ATF2: variants seen among roughly 807,000 people sequenced by gnomAD.
ATF2 encodes cyclic AMP-dependent transcription factor ATF-2.
In ATF2, 24 loss-of-function variants were observed where a neutral mutation model predicts 60.6. That is an observed-to-expected ratio of 0.40 (90% confidence interval 0.29 to 0.56). ATF2 has a LOEUF of 0.56. ATF2 is among the 20% of genes least tolerant of loss of function. The probability of loss-of-function intolerance (pLI) is 0.54; values close to 1 mark genes in which losing one functional copy is unlikely to be tolerated. For synonymous variants in ATF2, 206 were observed against 215.4 expected (o/e 0.96, Z 0.38); for missense variants, 433 against 607.7 (o/e 0.71, Z 3.02).
chr2:175,114,959 T>G (rs766494818), intron 7 of ATF2, 91 bp from the exon 8 acceptor site: 2 of 1,235,396 alleles, frequency 1.6e-6, no homozygotes, highest in Admixed American at 4.9e-5. Context: ...TAAAAGCATC[T>G]ACAGAATAAT....
chr2:175,127,249 A>C (rs1697400840), intron 4 of ATF2: 1 of 154,576 alleles, frequency 6.5e-6, no homozygotes, highest in African/African-American at 2.4e-5. Context: ...GAGAAAAAAA[A>C]AAAAAAAAGT....
At chr2:175,110,337 A>AAAATAAATAAATAAATAAATAAAT (rs77063696) in intron 10 of ATF2, among the ~76,000 whole-genome samples, 2,015 of 150,828 alleles carry the variant, frequency 0.013, 51 homozygotes, top group African/African-American at 0.046. Context: ...TCCATCTCAA[A>AAAATAAATAAATAAATAAATAAAT]AAATAAATAA....
At position 175,074,672 on chromosome 2, in the gene ATF2, T is replaced by G; in HGVS notation, c.1455A>C (p.Thr485=). ...SVLTQMADQS[T]EPALSQIVMA... is the part of the protein sequence containing the mutation. ...TAACGATCTGTGAAAGAGCAGGCTC[T>G]GTACTCTGGTCCGCCATCTGGGTGA... Residue 485 remains threonine, a synonymous_variant, in exon 14 of 14, where the codon ACA becomes ACC. Transcript: ENST00000264110. 1 of 1,613,448 alleles carries G rather than the reference T, an allele frequency of 6.2e-7. No homozygotes were observed. Among genetic ancestry groups the G allele is most frequent in the Non-Finnish European group, 8.5e-7 (1 of 1,179,672 alleles).
chr2:175,130,279 G>A (rs941777263), intron 3 of ATF2, 72 bp from the exon 4 acceptor site: 1 of 1,003,772 alleles, frequency 1.0e-6, no homozygotes, highest in Non-Finnish European at 1.4e-6. Context: ...TAAATCTCAA[G>A]ATTTTTCATT....
chr2:175,137,939 T>A (rs7590545), intron 2 of ATF2, among the ~76,000 whole-genome samples: 1 of 152,146 alleles, frequency 6.6e-6, no homozygotes, highest in Non-Finnish European at 1.5e-5. Flanking sequence ...TCTTTGTTAA[T>A]CTAACTGAAT....
At chr2:175,154,267 T>C (rs1184360857) in intron 1 of ATF2, among the ~76,000 whole-genome samples, 1 of 149,768 alleles carries the variant, frequency 6.7e-6, no homozygotes, top group African/African-American at 2.5e-5. Flanking sequence ...TACTTTAAAA[T>C]TATTTTGTTA....
rs1467406425 is a variant in ATF2 at position 175,073,267 on chromosome 2, C to A, written c.*1342G>T. 1 of 152,010 alleles carries A rather than the reference C, an allele frequency of 6.6e-6. No homozygotes were observed. The highest frequency in any genetic ancestry group is 6.6e-5 in the Admixed American group (1 of 15,246). 9.4% of individuals were successfully genotyped at this position (152,010 alleles called of 1,614,324 possible). A position where few individuals can be genotyped will look rare whatever the true frequency, so the allele number is the denominator to read the frequency against. ...AATGGCACATTAGAAAACTAAGTAT[C>A]CCACAGATGATTGGATAATGAGAAA... On this transcript the variant is annotated 3_prime_UTR_variant, in exon 14 of 14. Transcript: ENST00000264110.
intron 2 of ATF2, among the ~76,000 whole-genome samples, chr2:175,148,835 G>A (rs984783312): frequency 6.6e-6 from 1 of 152,012 alleles, no homozygotes; most frequent in Non-Finnish European, 1.5e-5. Context: ...CCTATGAACT[G>A]GAACACAGCA....
chr2:175,163,066 G>A (rs1206561698), intron 1 of ATF2, among the ~76,000 whole-genome samples: 1 of 151,894 alleles, frequency 6.6e-6, no homozygotes, highest in African/African-American at 2.4e-5. Context: ...CCTGGGAGGC[G>A]GAGCTTGCAG....
intron 12 of ATF2, among the ~76,000 whole-genome samples, chr2:175,091,970 T>C (rs1462617960): frequency 1.3e-5 from 2 of 152,242 alleles, no homozygotes; most frequent in Non-Finnish European, 2.9e-5. Context: ...TAAGTTGTAT[T>C]AAAATTTTCT....
At chr2:175,108,229 C>A (rs1281484331) in intron 10 of ATF2, among the ~76,000 whole-genome samples, 16 of 151,734 alleles carry the variant, frequency 1.1e-4, no homozygotes, top group Non-Finnish European at 2.2e-4. Context: ...GCCGCCCCAT[C>A]TGAGAAGTGA....
At chr2:175,138,672 T>C (rs537793950) in intron 2 of ATF2, among the ~76,000 whole-genome samples, 1 of 152,320 alleles carries the variant, frequency 6.6e-6, no homozygotes, top group African/African-American at 2.4e-5. Flanking sequence ...CAAATGAATG[T>C]TTGCCTCCTT....
intron 2 of ATF2, among the ~76,000 whole-genome samples, chr2:175,143,151 A>C (rs542886783): frequency 1.3e-5 from 2 of 152,308 alleles, no homozygotes; most frequent in South Asian, 4.2e-4. Context: ...GAAGGGCAAA[A>C]AGAAAATAAA....
chr2:175,143,992 C>G (rs1183930541), intron 2 of ATF2, among the ~76,000 whole-genome samples: 1 of 152,078 alleles, frequency 6.6e-6, no homozygotes, highest in Non-Finnish European at 1.5e-5. Context: ...CAGGATCTCC[C>G]TATGTTTCCC....
At chr2:175,167,321 T>A (rs535340636) in intron 1 of ATF2, among the ~76,000 whole-genome samples, 44 of 144,110 alleles carry the variant, frequency 3.1e-4, no homozygotes, top group Admixed American at 4.2e-4. Flanking sequence ...CCCAGAGATT[T>A]AAAAAAAAAA....
intron 12 of ATF2, 39 bp from the exon 13 acceptor site, chr2:175,080,804 A>ACCACAG: frequency 6.7e-7 from 1 of 1,499,222 alleles, no homozygotes; most frequent in Non-Finnish European, 9.2e-7. Context: ...CCACAGACTA[A>ACCACAG]ACATATTTTT....
At position 175,159,074 on chromosome 2, in the gene ATF2, T is replaced by C. The variant is rs563735694; in HGVS notation, c.-142-7916A>G. Among the ~76,000 whole-genome samples, 16 of 152,250 alleles carry C rather than the reference T, an allele frequency of 1.1e-4. 3 individuals are homozygous for C. Among genetic ancestry groups the C allele is most frequent in the African/African-American group, 3.9e-4 (16 of 41,542 alleles). ...AGCTCAACCCTGTAATCCCAGCACT[T>C]TGGGAGGCCAAGGTAGGCAGACTGC... On this transcript the variant is annotated intron_variant, in intron 1 of 13. Transcript: ENST00000264110.
At chr2:175,145,623 A>G (rs1698896402) in intron 2 of ATF2, among the ~76,000 whole-genome samples, 1 of 152,182 alleles carries the variant, frequency 6.6e-6, no homozygotes, top group South Asian at 2.1e-4. Flanking sequence ...GTGCGTAAAT[A>G]CCATTCTCCA....
intron 1 of ATF2, among the ~76,000 whole-genome samples, chr2:175,152,495 G>A (rs78833270): frequency 0.034 from 5,195 of 152,168 alleles, 292 homozygotes; most frequent in African/African-American, 0.12. Context: ...GTTACCAACC[G>A]CATTAAGAAA....
Sources: gnomAD v4.1 joint callset for allele counts (sites outside exome capture counted in the v4.1 genomes callset) on GRCh38, gnomAD v4.1.1 for gene constraint, MANE v1.5 for transcripts, NCBI Gene and HGNC (gene_info 2026-07-23, HGNC 2026-07-21) for gene names.